Variants in NBPF14 observed in about 807,000 individuals in gnomAD.
NBPF14 encodes NBPF member 14.
A neutral mutation model predicts 91.2 loss-of-function variants in NBPF14; 104 were observed. The ratio of observed to expected loss-of-function variants is 1.14; its 90% CI spans 0.97 to 1.34. The LOEUF (loss-of-function observed/expected upper bound fraction) is 1.34. NBPF14 is among the 40% of genes most tolerant of loss of function. NBPF14 has a pLI of 0.00. For missense variants in NBPF14, 908 were observed against 783.0 expected (o/e 1.16, Z -1.91); for synonymous variants, 294 against 303.8 (o/e 0.97, Z 0.34).
At chr1:148,557,322 A>G (rs1656816302) in intron 40 of NBPF14, among the ~76,000 whole-genome samples, 169 bp downstream of exon 40, 3 of 109,702 alleles carry the variant, frequency 2.7e-5, no homozygotes, top group Non-Finnish European at 3.4e-5. Context: ...GGGAGGAAGA[A>G]ATGGAAACCT....
At chr1:148,578,085 CA>C (rs1660280950) in intron 13 of NBPF14, 51 bp from the exon 14 acceptor site, 2 of 633,402 alleles carry the variant, frequency 3.2e-6, no homozygotes, top group Non-Finnish European at 5.6e-6. Context: ...TCCTTGCACA[CA>C]GAAACATTCC....
rs1297053747 is a variant in NBPF14 at position 148,559,668 on chromosome 1, T to G, written c.4729+125A>C. The G allele has an allele frequency of 7.7e-4, 482 of 629,128 alleles. 25 individuals carry two copies. In the East Asian group the frequency reaches 8.5e-3, roughly 11 times the overall value. 39.0% of individuals were successfully genotyped at this position (629,128 alleles called of 1,614,324 possible). ...GAACTAGAGTTTCATTCAACCTACA[T>G]GTGCCTATAGGTCCTCCCTGTGGCA... On this transcript the variant is annotated intron_variant, in intron 37 of 70. Transcript: ENST00000619423.
intron 43 of NBPF14, among the ~76,000 whole-genome samples, chr1:148,554,756 G>A: frequency 6.8e-6 from 1 of 147,138 alleles, no homozygotes; most frequent in Non-Finnish European, 1.5e-5. Context: ...AAATTAGAGT[G>A]AAGGATGAAA....
rs1261308189 is a variant in NBPF14, at chr1:148,590,215, A to ATTT, written c.778+539_778+541dup. Among the ~76,000 whole-genome samples, 60 of 118,784 alleles carry ATTT rather than the reference A, an allele frequency of 5.1e-4. No individual in the cohort carries two copies. The South Asian group carries it at 0.016, about 32-fold the overall frequency. The allele number at this position is 118,784 out of a possible 152,430, so 77.9% of individuals were successfully genotyped here. A position where few individuals can be genotyped will look rare whatever the true frequency, so the allele number is the denominator to read the frequency against. On this transcript the variant is annotated intron_variant, in intron 6 of 70. Coordinates refer to ENST00000619423, the Ensembl canonical transcript of NBPF14. ...CAGGCGCCCACCACCACGCCCAGCT[A>ATTT]TTTTTTTTTTTTTTTGTATTTTTAG... is the stretch of plus-strand genomic sequence containing the variant.
In NBPF14 at chr1:148,539,305, C is replaced by T. The variant is rs1435389598; in HGVS notation, c.7882+105G>A. On this transcript the variant is annotated intron_variant, in intron 63 of 70. Coordinates refer to ENST00000619423, the Ensembl canonical transcript of NBPF14. ...TATATGCGCCCATAGGTCCTGACTG[C>T]GGCAATGACGTCTCTCGGGTCAGTA... The T allele has an allele frequency of 4.1e-5, 26 of 626,632 alleles. 2 individuals carry two copies. Among genetic ancestry groups the T allele is most frequent in the Middle Eastern group, 4.1e-4 (1 of 2,424 alleles). 38.8% of individuals were successfully genotyped at this position (626,632 alleles called of 1,614,324 possible).
At chr1:148,576,109 A>C (rs1197657625) in intron 16 of NBPF14, among the ~76,000 whole-genome samples, 1 of 131,932 alleles carries the variant, frequency 7.6e-6, no homozygotes, top group Non-Finnish European at 1.6e-5. Context: ...CCCTCGGGAC[A>C]CACAGCGAAC....
intron 70 of NBPF14, 31 bp downstream of exon 70, chr1:148,533,830 G>T (rs1346512128): frequency 1.3e-6 from 1 of 767,306 alleles, no homozygotes; most frequent in Non-Finnish European, 2.4e-6. Flanking sequence ...AGTTAACACA[G>T]AACTAAGGAT....
chr1:148,585,919 G>C (rs1343962792), intron 9 of NBPF14, among the ~76,000 whole-genome samples: 1 of 148,920 alleles, frequency 6.7e-6, no homozygotes, highest in African/African-American at 2.5e-5. Flanking sequence ...CGAAAAGACA[G>C]CCTGGGAACC....
At position 148,559,882 on chromosome 1, in the gene NBPF14, C is replaced by T. The variant is rs1299306208; in HGVS notation, c.4640G>A (p.Cys1547Tyr). 7 of 1,365,068 alleles carry T rather than the reference C, an allele frequency of 5.1e-6. 2 individuals are homozygous for T. The highest frequency in any genetic ancestry group is 5.1e-5 in the South Asian group (4 of 78,276). The allele number at this position is 1,365,068 out of a possible 1,614,324, so 84.6% of individuals were successfully genotyped here. Residue 1547 changes from cysteine (C) to tyrosine (Y), a missense_variant, in exon 37 of 71, where the codon TGT (cysteine) becomes TAT (tyrosine). Physicochemically the swap from Cys to Tyr is radical, Grantham distance 194. Around this residue, in one of 13 missense-constraint regions of NBPF14, gnomAD observed 447 missense variants for 189.1 expected, o/e 2.36. Transcript: ENST00000619423. ...CTGGCATGAGTCAGTCAGTTCAAGA[C>T]AACCTGAAGGAGTTGAATAACATCT...
At chr1:148,577,381 A>G (rs1660017507) in intron 14 of NBPF14, 26 bp from the exon 15 acceptor site, 3 of 636,630 alleles carry the variant, frequency 4.7e-6, no homozygotes, top group East Asian at 2.8e-5. Flanking sequence ...AAAGTAAAGA[A>G]TAAGCCAGGG....
intron 8 of NBPF14, among the ~76,000 whole-genome samples, chr1:148,586,737 C>A (rs1661591463): frequency 6.9e-6 from 1 of 144,860 alleles, no homozygotes; most frequent in East Asian, 2.0e-4. Flanking sequence ...TTCCTAATTC[C>A]ATTTCAAAAA....
At chr1:148,578,826 A>G (rs1378069570) in intron 13 of NBPF14, among the ~76,000 whole-genome samples, 1 of 150,020 alleles carries the variant, frequency 6.7e-6, no homozygotes, top group Non-Finnish European at 1.5e-5. Flanking sequence ...CTTGAGTTCA[A>G]TGTCGTGACA....
chr1:148,571,272 C>G (rs1312899896), intron 22 of NBPF14, among the ~76,000 whole-genome samples: 3,540 of 57,854 alleles, frequency 0.061, 2 homozygotes, highest in East Asian at 0.16. Context: ...CACACACACA[C>G]ACAGAGAGAG....
intron 3 of NBPF14, among the ~76,000 whole-genome samples, chr1:148,593,278 G>A (rs1662797580): frequency 6.7e-6 from 1 of 148,752 alleles, no homozygotes; most frequent in African/African-American, 2.4e-5. Context: ...AAGGGTAAGT[G>A]GGGTGGCGAT....
rs1337979446 is a variant in NBPF14 at position 148,567,009 on chromosome 1, A to T, written c.3491-6T>A. 8.2e-6 allele frequency: 2 copies of T among 244,296 alleles called. No individual in the cohort carries two copies. 15.1% of individuals were successfully genotyped at this position (244,296 alleles called of 1,614,324 possible). A position where few individuals can be genotyped will look rare whatever the true frequency, so the allele number is the denominator to read the frequency against. On this transcript the variant is annotated splice_polypyrimidine_tract_variant and splice_region_variant and intron_variant, in intron 27 of 70. Coordinates refer to ENST00000619423, the Ensembl canonical transcript of NBPF14. Reference sequence around the variant, plus strand: ...TTCTTCGTCCTTTTTAATTCCTGCAATACATTCAGACAGGGACAGACAAAA... The same window carrying T: ...TTCTTCGTCCTTTTTAATTCCTGCATTACATTCAGACAGGGACAGACAAAA...
In NBPF14 at chr1:148,534,798, T is replaced by A. The variant is rs1289405667; in HGVS notation, c.8500A>T (p.Arg2834Ter). 4.3e-6 allele frequency: 4 copies of A among 932,972 alleles called. No homozygotes were observed. The East Asian group carries it at 7.2e-5, about 17-fold the overall frequency. 57.8% of individuals were successfully genotyped at this position (932,972 alleles called of 1,614,324 possible). ...TAACCTGAAGGAGTCGAATAACATC[T>A]ATCCAGTGAGTCCTGCAAGACTTCA... Residue 2834 changes from arginine (R) to a stop codon, truncating the protein, a stop_gained, in exon 69 of 71, where the codon AGA (arginine) becomes TGA (stop). Transcript: ENST00000619423. LOFTEE classifies it high-confidence loss of function.
chr1:148,566,242 G>C (rs1658235478), exon 29 of NBPF14: 1 of 618,004 alleles, frequency 1.6e-6, no homozygotes, highest in East Asian at 3.1e-5. Flanking sequence ...CAACTGGAAG[G>C]AGTTGAATAA....
rs1375053393 is a variant in NBPF14 at position 148,593,232 on chromosome 1, T to C, written c.278+366A>G. On this transcript the variant is annotated intron_variant, in intron 3 of 70. Transcript: ENST00000619423. ...AGGCAACATTGATTGAGTGAAAGAA[T>C]GAGAAGCCGCAGTCAGTCAGGAGGT... Among the ~76,000 whole-genome samples, 7 of 148,556 alleles carry C rather than the reference T, an allele frequency of 4.7e-5. 2 individuals carry two copies. Among genetic ancestry groups the C allele is most frequent in the Non-Finnish European group, 1.1e-4 (7 of 66,230 alleles).
intron 22 of NBPF14, among the ~76,000 whole-genome samples, chr1:148,571,267 ACAC>A (rs1659116164): frequency 3.2e-4 from 29 of 90,248 alleles, no homozygotes; most frequent in African/African-American, 7.1e-5. Context: ...ACACACACAC[ACAC>A]ACACAGAGAG....
Sources: allele counts gnomAD v4.1 joint callset (sites outside exome capture counted in the v4.1 genomes callset), GRCh38; gene constraint gnomAD v4.1.1; regional missense constraint gnomAD v4.1.1; transcripts MANE v1.5; gene names NCBI Gene and HGNC (gene_info 2026-07-23, HGNC 2026-07-21).